Variants in RAB31 observed in about 807,000 individuals in gnomAD.
The protein encoded by RAB31 is ras-related protein Rab-31.
A neutral mutation model predicts 25.6 loss-of-function variants in RAB31; 21 were observed. That is an observed-to-expected ratio of 0.82 (90% CI 0.58 to 1.18). The LOEUF (loss-of-function observed/expected upper bound fraction) is 1.18, where lower values mean the gene tolerates loss of function less well. RAB31 is among the 50% of genes most tolerant of loss of function. The pLI, the probability that RAB31 is intolerant of heterozygous loss-of-function variation, is 0.00. For missense variants in RAB31, 196 were observed against 250.1 expected, an observed-to-expected ratio of 0.78 and a Z score of 1.46; for synonymous variants, 87 against 84.0, an observed-to-expected ratio of 1.04 and a Z score of -0.20.
chr18:9,804,622 A>G (rs1204835479), intron 3 of RAB31, among the ~76,000 whole-genome samples: 1 of 152,210 alleles, frequency 6.6e-6, no homozygotes, highest in African/African-American at 2.4e-5. Flanking sequence ...TACAGTAGAA[A>G]AGCCCTATAA....
chr18:9,723,778 G>A (rs2068083787), intron 1 of RAB31: 1 of 152,096 alleles, frequency 6.6e-6, no homozygotes, highest in Non-Finnish European at 1.5e-5. Flanking sequence ...ATTGTTTCTG[G>A]AACTAATCCA....
chr18:9,730,333 CT>C (rs2068116655), intron 1 of RAB31, among the ~76,000 whole-genome samples: 1 of 147,626 alleles, frequency 6.8e-6, no homozygotes, highest in African/African-American at 2.5e-5. Context: ...GTTGCCCGGG[CT>C]GGAGTGCAGT....
chr18:9,818,381 C>T (rs1288026044), intron 5 of RAB31, among the ~76,000 whole-genome samples: 2 of 152,174 alleles, frequency 1.3e-5, no homozygotes, highest in African/African-American at 4.8e-5. Flanking sequence ...CAATTTCCAC[C>T]TCCTTCCAGC....
chr18:9,753,594 G>C (rs1275056274), intron 1 of RAB31, among the ~76,000 whole-genome samples: 1 of 152,148 alleles, frequency 6.6e-6, no homozygotes, highest in Non-Finnish European at 1.5e-5. Context: ...CAGATACCTT[G>C]GCTCTGAGCT....
At chr18:9,729,645 C>T (rs1018205407) in intron 1 of RAB31, among the ~76,000 whole-genome samples, 1 of 151,902 alleles carries the variant, frequency 6.6e-6, no homozygotes, top group African/African-American at 2.4e-5. Context: ...GGGATTTAGT[C>T]TCCCCTCCCC....
intron 3 of RAB31, among the ~76,000 whole-genome samples, chr18:9,807,425 C>T (rs1014737176): frequency 1.3e-5 from 2 of 152,010 alleles, no homozygotes; most frequent in East Asian, 3.9e-4. Context: ...CTGGCTTTCC[C>T]CGCAAATGCA....
intron 1 of RAB31, among the ~76,000 whole-genome samples, chr18:9,771,375 G>T (rs1220897883): frequency 6.6e-6 from 1 of 152,112 alleles, no homozygotes; most frequent in Admixed American, 6.6e-5. Flanking sequence ...AGAATCTTAC[G>T]AAATGGAATA....
At chr18:9,855,385 T>A (rs1233442567) in intron 6 of RAB31, among the ~76,000 whole-genome samples, 2 of 152,204 alleles carry the variant, frequency 1.3e-5, no homozygotes, top group Non-Finnish European at 2.9e-5. Flanking sequence ...GAGCACATTT[T>A]GTAAGAGTGG....
chr18:9,751,247 C>T (rs988830537), intron 1 of RAB31, among the ~76,000 whole-genome samples: 3 of 151,994 alleles, frequency 2.0e-5, no homozygotes, highest in African/African-American at 7.3e-5. Context: ...TGCTATGTTG[C>T]CCAGGCTGGC....
At chr18:9,751,455 G>A (rs949503886) in intron 1 of RAB31, among the ~76,000 whole-genome samples, 14 of 152,166 alleles carry the variant, frequency 9.2e-5, no homozygotes, top group East Asian at 7.7e-4. Flanking sequence ...ACCTTGGCCC[G>A]CGGTGCAGAT....
At chr18:9,856,593 T>C (rs990178144) in intron 6 of RAB31, among the ~76,000 whole-genome samples, 1 of 152,212 alleles carries the variant, frequency 6.6e-6, no homozygotes, top group African/African-American at 2.4e-5. Context: ...AGCACAAAGT[T>C]TTGATGTTAA....
intron 5 of RAB31, among the ~76,000 whole-genome samples, chr18:9,835,728 T>G (rs559905110): frequency 2.6e-5 from 4 of 152,342 alleles, no homozygotes; most frequent in African/African-American, 9.6e-5. Context: ...ATTCTTTGTT[T>G]TTTTCAAAGA....
chr18:9,732,269 C>T (rs946374426), intron 1 of RAB31, among the ~76,000 whole-genome samples: 32 of 152,156 alleles, frequency 2.1e-4, no homozygotes, highest in Admixed American at 7.8e-4. Flanking sequence ...GGCCGGTCAC[C>T]GGATGAGGCT....
chr18:9,792,652 G>A (rs1225917058), intron 3 of RAB31, among the ~76,000 whole-genome samples: 1 of 152,182 alleles, frequency 6.6e-6, no homozygotes, highest in Admixed American at 6.5e-5. Context: ...TTCTGCAAGT[G>A]GGAACATACA....
chr18:9,756,214 G>A (rs1053533806), intron 1 of RAB31, among the ~76,000 whole-genome samples: 15 of 152,132 alleles, frequency 9.9e-5, no homozygotes, highest in African/African-American at 2.7e-4. Context: ...CATGCAGTGC[G>A]ATCAAGTATA....
At chr18:9,749,811 T>C (rs2068225190) in intron 1 of RAB31, among the ~76,000 whole-genome samples, 1 of 152,216 alleles carries the variant, frequency 6.6e-6, no homozygotes, top group Admixed American at 6.5e-5. Context: ...GGTTCTGTCC[T>C]GTAGGGGAGA....
chr18:9,824,342 G>A (rs1461600058), intron 5 of RAB31, among the ~76,000 whole-genome samples: 6 of 151,348 alleles, frequency 4.0e-5, no homozygotes, highest in South Asian at 4.2e-4. Flanking sequence ...GTATAAATGT[G>A]TGTGTAGATG....
At chr18:9,727,343 G>A (rs1031089253) in intron 1 of RAB31, among the ~76,000 whole-genome samples, 4 of 152,168 alleles carry the variant, frequency 2.6e-5, no homozygotes, top group Admixed American at 2.0e-4. Context: ...TAGAGACAGG[G>A]TCTCTCTCTG....
At chr18:9,833,215 G>A (rs1407626390) in intron 5 of RAB31, among the ~76,000 whole-genome samples, 7 of 152,346 alleles carry the variant, frequency 4.6e-5, no homozygotes. Context: ...CTGAGACAGC[G>A]CTCCAGCCGC....
Sources: gnomAD v4.1 joint callset for allele counts (sites outside exome capture counted in the v4.1 genomes callset) on GRCh38, gnomAD v4.1.1 for gene constraint, MANE v1.5 for transcripts, NCBI Gene and HGNC (gene_info 2026-07-23, HGNC 2026-07-21) for gene names.